MAML1: variants seen among roughly 807,000 people sequenced by gnomAD.
MAML1 encodes the protein mastermind-like protein 1.
A neutral mutation model predicts 77.1 loss-of-function variants in MAML1; 14 were observed. The observed-to-expected ratio is 0.18, with a 90% CI of 0.12 to 0.28. The LOEUF is 0.28. MAML1 is among the 10% of genes least tolerant of loss of function. The pLI, the probability that MAML1 is intolerant of heterozygous loss-of-function variation, is 1.00. For synonymous variants in MAML1, 516 were observed against 551.9 expected, an observed-to-expected ratio of 0.93 and a Z score of 0.91; for missense variants, 1,217 against 1,327.8, an observed-to-expected ratio of 0.92 and a Z score of 1.30.
intron 4 of MAML1, among the ~76,000 whole-genome samples, chr5:179,773,372 C>T (rs998750463): frequency 6.6e-6 from 1 of 152,268 alleles, no homozygotes; most frequent in African/African-American, 2.4e-5. Context: ...CTCTTTTTCC[C>T]CAAACTGTTA....
chr5:179,760,811 G>A (rs527593522), intron 1 of MAML1, among the ~76,000 whole-genome samples: 26 of 152,340 alleles, frequency 1.7e-4, no homozygotes, highest in African/African-American at 2.6e-4. Flanking sequence ...ATGGAAGCAG[G>A]CCGGGCGCAG....
At chr5:179,741,573 T>C (rs1779284538) in intron 1 of MAML1, among the ~76,000 whole-genome samples, 1 of 151,480 alleles carries the variant, frequency 6.6e-6, no homozygotes, top group African/African-American at 2.4e-5. Context: ...GTAATCCCAG[T>C]TACTCAGGAG....
At chr5:179,751,442 C>G (rs1344578496) in intron 1 of MAML1, among the ~76,000 whole-genome samples, 1 of 152,208 alleles carries the variant, frequency 6.6e-6, no homozygotes, top group Non-Finnish European at 1.5e-5. Flanking sequence ...ACTTCAGTGG[C>G]TGTCACCTGT....
chr5:179,765,253 G>A, intron 1 of MAML1, 73 bp from the exon 2 acceptor site: 1 of 1,308,370 alleles, frequency 7.6e-7, no homozygotes, highest in South Asian at 1.4e-5. Context: ...AGGGACATCA[G>A]CCCTTGGCTT....
intron 1 of MAML1, among the ~76,000 whole-genome samples, chr5:179,749,469 C>T (rs1779445054): frequency 6.6e-6 from 1 of 152,082 alleles, no homozygotes; most frequent in East Asian, 1.9e-4. Context: ...CCATGTTGGC[C>T]AGGCTGGTCT....
At chr5:179,744,258 C>G (rs563209827) in intron 1 of MAML1, among the ~76,000 whole-genome samples, 56 of 152,236 alleles carry the variant, frequency 3.7e-4, no homozygotes, top group African/African-American at 1.3e-3. Flanking sequence ...GGTCTTGGCT[C>G]ACCGCAACCT....
chr5:179,733,465 G>A (rs955157172), intron 1 of MAML1, 38 bp downstream of exon 1: 2 of 1,086,976 alleles, frequency 1.8e-6, no homozygotes, highest in East Asian at 6.2e-5. Flanking sequence ...CGTGGCGGCA[G>A]CCCCCTCTCC....
At chr5:179,768,205 C>T (rs1779857539) in intron 2 of MAML1, among the ~76,000 whole-genome samples, 1 of 152,170 alleles carries the variant, frequency 6.6e-6, no homozygotes, top group African/African-American at 2.4e-5. Context: ...GCCTGTAATC[C>T]CAGCACTTTG....
chr5:179,747,193 A>G (rs534047537), intron 1 of MAML1, among the ~76,000 whole-genome samples: 3 of 152,318 alleles, frequency 2.0e-5, no homozygotes, highest in African/African-American at 7.2e-5. Flanking sequence ...GCTGTTCTGT[A>G]TTAGACTATG....
rs373397122 is a variant in MAML1 at position 179,774,153 on chromosome 5, A to G, written c.2327A>G (p.Asn776Ser). 26 of 1,613,620 alleles carry G rather than the reference A, an allele frequency of 1.6e-5. No homozygotes were observed. The highest frequency in any genetic ancestry group is 3.3e-4 in the Middle Eastern group (2 of 6,062). ...GCCCAGCCCCCGCCACAGGCCACCA[A>G]TGGACATGCCCACATTCCACGGCAG... is the stretch of plus-strand genomic sequence containing the variant. ...IVAQPPPQAT[N>S]GHAHIPRQTN... The change falls in exon 5 of 5, where the codon AAT becomes AGT. Residue 776 changes from asparagine to serine, a missense_variant. Asn to Ser is a conservative substitution (Grantham distance 46, BLOSUM62 1). Coordinates refer to ENST00000292599, the MANE Select transcript of MAML1 (RefSeq NM_014757.5).
At chr5:179,757,232 T>C (rs1187402495) in intron 1 of MAML1, among the ~76,000 whole-genome samples, 2 of 152,166 alleles carry the variant, frequency 1.3e-5, no homozygotes, top group African/African-American at 4.8e-5. Flanking sequence ...TATGAGCCCC[T>C]GAGAGCGTCT....
At position 179,774,782 on chromosome 5, in the gene MAML1, G is replaced by A. The variant is rs772427761; in HGVS notation, c.2956G>A (p.Val986Met). 4 of 1,613,824 alleles carry A rather than the reference G, an allele frequency of 2.5e-6. No homozygotes were observed. Among genetic ancestry groups the A allele is most frequent in the Non-Finnish European group, 3.4e-6 (4 of 1,180,042 alleles). Reference sequence around the variant, plus strand: ...GCCAGGTGGCAGTGGGCTCTCTAGTGTGGCTGGACACACCGATCTGATCGA... The same window carrying A: ...GCCAGGTGGCAGTGGGCTCTCTAGTATGGCTGGACACACCGATCTGATCGA... ...GQPGGSGLSS[V>M]AGHTDLIDSL... The change falls in exon 5 of 5, where the codon GTG becomes ATG. Residue 986 changes from valine to methionine, a missense_variant. Physicochemically the swap from Val to Met is conservative, Grantham distance 21. Coordinates refer to ENST00000292599, the MANE Select transcript of MAML1 (RefSeq NM_014757.5).
At chr5:179,760,937 AAAAC>A (rs1367341445) in intron 1 of MAML1, among the ~76,000 whole-genome samples, 5 of 152,068 alleles carry the variant, frequency 3.3e-5, no homozygotes, top group Non-Finnish European at 7.4e-5. Flanking sequence ...TAAAAATACA[AAAAC>A]AAAGTTAGCC....
chr5:179,743,573 T>C (rs968260596), intron 1 of MAML1, among the ~76,000 whole-genome samples: 2 of 151,214 alleles, frequency 1.3e-5, no homozygotes, highest in Admixed American at 6.6e-5. Context: ...AGTTTCACCT[T>C]GTTAGCCAGC....
rs146104556 is a variant in MAML1, at chr5:179,768,579, A to C, written c.1732-271A>C. ...ATTGTGTGCAAATATGAAAGCTTAC[A>C]TATGCTTAACGTAAAACCATACCTT... On this transcript the variant is annotated intron_variant, in intron 2 of 4. Transcript: ENST00000292599. 3.6e-4 allele frequency among the ~76,000 whole-genome samples: 55 copies of C among 152,382 alleles called. 1 individual carries two copies. In the East Asian group the frequency reaches 0.01, roughly 28 times the overall value.
chr5:179,772,995 A>G (rs1756036730), intron 4 of MAML1, among the ~76,000 whole-genome samples: 1 of 152,156 alleles, frequency 6.6e-6, no homozygotes. Context: ...GATTCAAGCA[A>G]TTCTCCTGCC....
In MAML1 at chr5:179,771,077, C is replaced by T. The variant is rs1755976272; in HGVS notation, c.1972-70C>T. 2 of 1,158,666 alleles carry T rather than the reference C, an allele frequency of 1.7e-6. No homozygotes were observed. The highest frequency in any genetic ancestry group is 1.3e-6 in the Non-Finnish European group (1 of 767,110). 71.8% of individuals were successfully genotyped at this position (1,158,666 alleles called of 1,614,324 possible). A position where few individuals can be genotyped will look rare whatever the true frequency, so the allele number is the denominator to read the frequency against. On this transcript the variant is annotated intron_variant, in intron 3 of 4. Transcript: ENST00000292599. The surrounding 1 kb of genome is among the most constrained non-coding windows in gnomAD (Gnocchi z 4.7). ...CTTGGATAAGTTACTTTTCTCTGACCTCCCTCACTCCCTTTGTTTTGGATT... is the reference window on the plus strand; with the variant it reads ...CTTGGATAAGTTACTTTTCTCTGACTTCCCTCACTCCCTTTGTTTTGGATT...
chr5:179,744,425 A>G (rs558954593), intron 1 of MAML1, among the ~76,000 whole-genome samples: 56 of 152,186 alleles, frequency 3.7e-4, no homozygotes, highest in African/African-American at 1.3e-3. Context: ...TGACCTCATG[A>G]TCCACCTGCC....
At chr5:179,768,521 A>G (rs1779862761) in intron 2 of MAML1, among the ~76,000 whole-genome samples, 1 of 152,252 alleles carries the variant, frequency 6.6e-6, no homozygotes, top group Non-Finnish European at 1.5e-5. Flanking sequence ...CTGATAAGTG[A>G]GCATTTCTAA....
Sources: allele counts gnomAD v4.1 joint callset (sites outside exome capture counted in the v4.1 genomes callset), GRCh38; gene constraint gnomAD v4.1.1; non-coding constraint Gnocchi (gnomAD v3.1); transcripts MANE v1.5; gene names NCBI Gene and HGNC (gene_info 2026-07-23, HGNC 2026-07-21).